The following SHISA9 variants were observed in gnomAD, a reference collection of about 807,000 sequenced individuals.
SHISA9 encodes the protein shisa family member 9.
Under a neutral mutation model 38.0 loss-of-function variants are expected in SHISA9, and 13 were observed. The observed-to-expected ratio is 0.34, with a 90% CI of 0.22 to 0.54. SHISA9 has a LOEUF of 0.54. Ranked by LOEUF, SHISA9 falls within the 20% of genes least tolerant of loss-of-function variation. The pLI is 0.91. For synonymous variants in SHISA9, 275 were observed against 242.0 expected (o/e 1.14, Z -1.27); for missense variants, 538 against 575.8 (o/e 0.93, Z 0.67).
chr16:13,333,284 A>G, the SHISA9 span, among the ~76,000 whole-genome samples: 1 of 152,230 alleles, frequency 6.6e-6, no homozygotes, highest in Non-Finnish European at 1.5e-5. Context: ...TCCAGCTGCA[A>G]TCAAATCCTC....
At chr16:13,532,195 T>C in the SHISA9 span, among the ~76,000 whole-genome samples, 12,846 of 152,064 alleles carry the variant, frequency 0.084, 636 homozygotes, top group East Asian at 0.15. Context: ...GGAGGAGAAG[T>C]GAATGCCCTG....
At chr16:13,500,858 C>T in the SHISA9 span, among the ~76,000 whole-genome samples, 2 of 152,170 alleles carry the variant, frequency 1.3e-5, no homozygotes, top group Admixed American at 6.5e-5. Flanking sequence ...TGAACTAGAA[C>T]TCCCAATGTG....
At chr16:13,093,164 T>A (rs2073792684) in intron 2 of SHISA9, among the ~76,000 whole-genome samples, 1 of 152,122 alleles carries the variant, frequency 6.6e-6, no homozygotes, top group African/African-American at 2.4e-5. Context: ...GGGCAGCCAG[T>A]TCAAGTGGCT....
At chr16:13,145,571 A>T (rs2050440434) in intron 2 of SHISA9, among the ~76,000 whole-genome samples, 1 of 152,200 alleles carries the variant, frequency 6.6e-6, no homozygotes, top group South Asian at 2.1e-4. Flanking sequence ...GGCTGCGTGG[A>T]AGGTGCTGAC....
chr16:13,093,058 T>A (rs541103723), intron 2 of SHISA9, among the ~76,000 whole-genome samples: 2 of 152,128 alleles, frequency 1.3e-5, no homozygotes, highest in East Asian at 1.9e-4. Context: ...GAAATACTGA[T>A]CTGGTATGGA....
At chr16:13,018,755 A>C (rs1050723903) in intron 2 of SHISA9, among the ~76,000 whole-genome samples, 3 of 152,200 alleles carry the variant, frequency 2.0e-5, no homozygotes, top group African/African-American at 7.2e-5. Flanking sequence ...CATAAATACC[A>C]GCTGGTGAGT....
the SHISA9 span, among the ~76,000 whole-genome samples, chr16:13,556,374 G>A: frequency 6.6e-6 from 1 of 152,138 alleles, no homozygotes; most frequent in African/African-American, 2.4e-5. Flanking sequence ...CTTAACTAGT[G>A]AATCATTCCG....
Position 12,902,267 on chromosome 16 carries a change from C to A in SHISA9, c.203C>A (p.Ala68Glu), listed in dbSNP as rs1397877185. 6.5e-7 allele frequency: 1 copy of A among 1,547,940 alleles called. No homozygotes were observed. Among genetic ancestry groups the A allele is most frequent in the Non-Finnish European group, 8.7e-7 (1 of 1,146,834 alleles). ...AEASDAPPTR[A>E]PTPDFCRGYF... ...GCATCGGACGCGCCCCCGACCCGGG[C>A]GCCCACGCCGGACTTCTGCCGGGGC... Residue 68 changes from alanine to glutamate, a missense_variant, in exon 1 of 5, where the codon GCG (alanine) becomes GAG (glutamate). Physicochemically the swap from Ala to Glu is moderately radical, Grantham distance 107. Coordinates refer to ENST00000558583, the MANE Select transcript of SHISA9 (RefSeq NM_001145204.3).
At chr16:13,516,455 AT>A in the SHISA9 span, among the ~76,000 whole-genome samples, 585 of 152,342 alleles carry the variant, frequency 3.8e-3, 16 homozygotes, top group Admixed American at 0.035. Context: ...CGAAGAGAGT[AT>A]TTTGGTCCAA....
At chr16:13,360,166 A>C in the SHISA9 span, among the ~76,000 whole-genome samples, 2 of 152,184 alleles carry the variant, frequency 1.3e-5, no homozygotes, top group African/African-American at 4.8e-5. Flanking sequence ...TACTTAAGAG[A>C]ACTACAAGTG....
At chr16:13,069,564 G>A (rs115724637) in intron 2 of SHISA9, among the ~76,000 whole-genome samples, 2,063 of 151,354 alleles carry the variant, frequency 0.014, 44 homozygotes, top group African/African-American at 0.047. Flanking sequence ...GTATATAAGC[G>A]TGCATGTGTA....
chr16:13,535,784 C>A, the SHISA9 span, among the ~76,000 whole-genome samples: 5 of 152,188 alleles, frequency 3.3e-5, no homozygotes, highest in Non-Finnish European at 5.9e-5. Flanking sequence ...CAAATCATAT[C>A]TTACAACTCT....
At chr16:13,113,564 T>A (rs543751090) in intron 2 of SHISA9, among the ~76,000 whole-genome samples, 1 of 152,318 alleles carries the variant, frequency 6.6e-6, no homozygotes, top group South Asian at 2.1e-4. Context: ...GAAATAGACA[T>A]TGAAGTTCTG....
At chr16:13,102,669 C>T (rs2073890211) in intron 2 of SHISA9, among the ~76,000 whole-genome samples, 1 of 152,198 alleles carries the variant, frequency 6.6e-6, no homozygotes, top group Non-Finnish European at 1.5e-5. Flanking sequence ...CTAGACTCCC[C>T]TCTCCTTCCC....
chr16:12,943,293 G>C (rs1489547910), intron 2 of SHISA9, among the ~76,000 whole-genome samples: 2 of 57,272 alleles, frequency 3.5e-5, no homozygotes, highest in East Asian at 1.4e-3. Flanking sequence ...GTGTGTGTGT[G>C]TGTGTGTGTG....
intron 2 of SHISA9, among the ~76,000 whole-genome samples, chr16:13,120,296 G>A (rs1163457865): frequency 1.3e-5 from 2 of 152,178 alleles, no homozygotes; most frequent in Non-Finnish European, 2.9e-5. Context: ...CCATTTTGGA[G>A]CACTGGAGCC....
the SHISA9 span, among the ~76,000 whole-genome samples, chr16:13,399,155 T>A: frequency 6.6e-6 from 1 of 151,830 alleles, no homozygotes; most frequent in Admixed American, 6.6e-5. Flanking sequence ...CTTGGGACAC[T>A]GAGGTGGGAG....
the SHISA9 span, among the ~76,000 whole-genome samples, chr16:13,256,106 C>G: frequency 6.6e-6 from 1 of 152,194 alleles, no homozygotes; most frequent in Non-Finnish European, 1.5e-5. Flanking sequence ...TTTCTACCAC[C>G]TGGCCTGCCT....
At chr16:13,554,270 G>A in the SHISA9 span, among the ~76,000 whole-genome samples, 2 of 146,740 alleles carry the variant, frequency 1.4e-5, no homozygotes, top group African/African-American at 5.1e-5. Flanking sequence ...GTGAGCCAAT[G>A]AGAGAGGAGA....
Sources: gnomAD v4.1 joint callset for allele counts (sites outside exome capture counted in the v4.1 genomes callset) on GRCh38, gnomAD v4.1.1 for gene constraint, MANE v1.5 for transcripts, NCBI Gene and HGNC (gene_info 2026-07-23, HGNC 2026-07-21) for gene names.